Variants in ECI2 observed in about 807,000 individuals in gnomAD.
The protein encoded by ECI2 is D3,D2-enoyl-CoA isomerase.
In ECI2, 27 loss-of-function variants were observed where a neutral mutation model predicts 38.4. That is an observed-to-expected ratio of 0.70 (90% CI 0.52 to 0.97). The LOEUF is 0.97. ECI2 is among the 50% of genes least tolerant of loss of function. ECI2 has a pLI of 0.00. For missense variants in ECI2, 470 were observed against 474.4 expected, an observed-to-expected ratio of 0.99 and a Z score of 0.09; for synonymous variants, 168 against 172.0, an observed-to-expected ratio of 0.98 and a Z score of 0.18.
In ECI2 at chr6:4,127,123, C is replaced by T. The variant is rs188521246; in HGVS notation, c.571+639G>A. On this transcript the variant is annotated intron_variant, in intron 5 of 9. Coordinates refer to ENST00000380118, the MANE Select transcript of ECI2 (RefSeq NM_206836.3). The stretch of plus-strand genomic sequence containing the variant: ...GAACTGTGTTTTAAAGATGCATCCA[C>T]ATTCTTGTGTATATCATTTATTCCA... Among the ~76,000 whole-genome samples, 6 of 152,316 alleles carry T rather than the reference C, an allele frequency of 3.9e-5. 1 individual carries two copies. The highest frequency in any genetic ancestry group is 3.9e-4 in the Admixed American group (6 of 15,290).
chr6:4,133,855 G>T, intron 1 of ECI2, 144 bp from the exon 2 acceptor site: 2 of 929,428 alleles, frequency 2.2e-6, no homozygotes, highest in Non-Finnish European at 1.5e-6. Context: ...CAAACTGGCT[G>T]CAAATAATTG....
intron 1 of ECI2, 71 bp downstream of exon 1, chr6:4,135,440 C>G: frequency 6.2e-7 from 1 of 1,604,698 alleles, no homozygotes; most frequent in Non-Finnish European, 8.5e-7. Flanking sequence ...CTTCCAACGG[C>G]GGCGACCTTC....
At chr6:4,127,035 T>C (rs1265978838) in intron 5 of ECI2, among the ~76,000 whole-genome samples, 1 of 152,226 alleles carries the variant, frequency 6.6e-6, no homozygotes, top group African/African-American at 2.4e-5. Context: ...AGAACTTTTG[T>C]CTACTGTAGA....
intron 6 of ECI2, 192 bp downstream of exon 6, chr6:4,125,943 G>T (rs776682793): frequency 2.5e-5 from 17 of 682,038 alleles, no homozygotes; most frequent in Non-Finnish European, 4.6e-5. Context: ...GGATGAACAG[G>T]TAACAGAGGT....
intron 7 of ECI2, chr6:4,124,998 A>G: frequency 1.7e-6 from 1 of 604,788 alleles, no homozygotes; most frequent in Non-Finnish European, 3.0e-6. Flanking sequence ...AAAGCTGTAT[A>G]CCTATTGTGG....
At position 4,126,184 on chromosome 6, in the gene ECI2, G is replaced by T. The variant is rs750950763; in HGVS notation, c.625C>A (p.Pro209Thr). The T allele has an allele frequency of 5.7e-5, 92 of 1,613,720 alleles. No homozygotes were observed. The highest frequency in any genetic ancestry group is 7.4e-5 in the Non-Finnish European group (87 of 1,179,974). ...GCTTTCTCCTCTACTCCACCAGGGG[G>T]AATATCAGTGAAGTTAGTCAGATCA... is the stretch of plus-strand genomic sequence containing the variant. ...GNDLTNFTDI[P>T]PGGVEEKAKN... Residue 209 changes from proline (P) to threonine (T), a missense_variant, in exon 6 of 10, where the codon CCC (proline) becomes ACC (threonine). Coordinates refer to ENST00000380118, the MANE Select transcript of ECI2 (RefSeq NM_206836.3).
intron 1 of ECI2, 30 bp downstream of exon 1, chr6:4,135,481 T>C: frequency 2.5e-6 from 4 of 1,578,932 alleles, no homozygotes; most frequent in Non-Finnish European, 3.4e-6. Flanking sequence ...CGGGCGACCA[T>C]GGGCCGAACG....
At chr6:4,118,953 G>A in intron 8 of ECI2, 1 of 383,082 alleles carries the variant, frequency 2.6e-6, no homozygotes, top group Non-Finnish European at 4.7e-6. Context: ...CAGCTGAAGA[G>A]GAGGATCCCA....
chr6:4,129,324 G>A (rs1224096894), intron 4 of ECI2, among the ~76,000 whole-genome samples: 1 of 152,140 alleles, frequency 6.6e-6, no homozygotes, highest in Non-Finnish European at 1.5e-5. Flanking sequence ...ATGTTGGCCA[G>A]GCTGGTCTTG....
At chr6:4,134,042 T>C (rs1052952375) in intron 1 of ECI2, among the ~76,000 whole-genome samples, 1 of 152,172 alleles carries the variant, frequency 6.6e-6, no homozygotes, top group African/African-American at 2.4e-5. Context: ...TGCAAGACAG[T>C]GGACAGCAGG....
chr6:4,134,867 CA>C (rs1456944090), intron 1 of ECI2, among the ~76,000 whole-genome samples: 1 of 152,066 alleles, frequency 6.6e-6, no homozygotes, highest in Non-Finnish European at 1.5e-5. Context: ...AAACAAATAG[CA>C]AAAACACGAC....
intron 7 of ECI2, chr6:4,125,025 G>A (rs555304463): frequency 3.4e-5 from 24 of 697,912 alleles, no homozygotes; most frequent in East Asian, 2.2e-4. Flanking sequence ...ATTAGAATCC[G>A]GAACAGTCAG....
At position 4,132,474 on chromosome 6, in the gene ECI2, G is replaced by C. The variant is rs1041799291; in HGVS notation, c.213+1075C>G. Among the ~76,000 whole-genome samples the C allele has an allele frequency of 7.9e-5, 12 of 152,084 alleles. No homozygotes were observed. The East Asian group carries it at 2.3e-3, about 29-fold the overall frequency. On this transcript the variant is annotated intron_variant, in intron 2 of 9. Coordinates refer to ENST00000380118, the MANE Select transcript of ECI2 (RefSeq NM_206836.3). ...ATTAGAGATTCACTTCCCAGAAGCTGAGGGCAAAGCCACACCTCTTCTGGG... is the reference window on the plus strand; with the variant it reads ...ATTAGAGATTCACTTCCCAGAAGCTCAGGGCAAAGCCACACCTCTTCTGGG...
chr6:4,134,188 T>C (rs1561660856), intron 1 of ECI2, among the ~76,000 whole-genome samples: 1 of 152,220 alleles, frequency 6.6e-6, no homozygotes. Context: ...TGTTCCAACA[T>C]ACACACAGGT....
chr6:4,125,774 A>C (rs1184440482), intron 6 of ECI2: 1 of 422,940 alleles, frequency 2.4e-6, no homozygotes, highest in Admixed American at 3.7e-5. Flanking sequence ...CTGTGTTTAC[A>C]AGACTCCTCC....
chr6:4,129,726 C>G (rs1485152360), intron 4 of ECI2, among the ~76,000 whole-genome samples: 2 of 152,180 alleles, frequency 1.3e-5, no homozygotes, highest in East Asian at 3.8e-4. Flanking sequence ...TATGCTCTTT[C>G]TGCCACAATG....
chr6:4,118,881 A>G (rs1433326639), intron 8 of ECI2: 1 of 234,224 alleles, frequency 4.3e-6, no homozygotes, highest in Non-Finnish European at 8.3e-6. Flanking sequence ...CAAGTGACTA[A>G]TGCCACACAG....
intron 9 of ECI2, among the ~76,000 whole-genome samples, chr6:4,116,719 C>T (rs1408823609): frequency 1.3e-5 from 2 of 152,154 alleles, no homozygotes; most frequent in African/African-American, 4.8e-5. Flanking sequence ...ACTGAGACTA[C>T]AGGTGTGAGC....
At chr6:4,119,381 C>T (rs1372750213) in intron 7 of ECI2, 106 bp from the exon 8 acceptor site, 8 of 803,758 alleles carry the variant, frequency 1.0e-5, no homozygotes, top group African/African-American at 3.6e-5. Flanking sequence ...AGTGAAGTGG[C>T]GCGATCTCGG....
Sources: gnomAD v4.1 joint callset for allele counts (sites outside exome capture counted in the v4.1 genomes callset) on GRCh38, gnomAD v4.1.1 for gene constraint, MANE v1.5 for transcripts, NCBI Gene and HGNC (gene_info 2026-07-23, HGNC 2026-07-21) for gene names.